The following RASEF variants were observed in gnomAD, a reference collection of about 807,000 sequenced individuals.
RASEF encodes the protein ras and EF-hand domain-containing protein.
Under a neutral mutation model 90.1 loss-of-function variants are expected in RASEF, and 68 were observed. That is an observed-to-expected ratio of 0.75 (90% CI 0.62 to 0.92). RASEF has a LOEUF of 0.92. Among genes scored for constraint, RASEF ranks in the 40% least tolerant of loss-of-function variants. RASEF has a pLI of 0.00. For missense variants in RASEF, 949 were observed against 937.2 expected (o/e 1.01, Z -0.16); for synonymous variants, 331 against 345.2 (o/e 0.96, Z 0.46).
In RASEF at chr9:82,982,611, C is replaced by A. The variant is rs1053867314; in HGVS notation, c.*66G>T. ...GTAGGATGTGCCACTCTGTTAAGAG[C>A]CAAATAAGTCACACAAATTCAGTAT... On this transcript the variant is annotated 3_prime_UTR_variant, in exon 17 of 17. Coordinates refer to ENST00000376447, the MANE Select transcript of RASEF (RefSeq NM_152573.4). The A allele has an allele frequency of 1.1e-6, 1 of 920,538 alleles. No homozygotes were observed. Among genetic ancestry groups the A allele is most frequent in the Non-Finnish European group, 1.8e-6 (1 of 551,018 alleles). The allele number at this position is 920,538 out of a possible 1,614,324, so 57.0% of individuals were successfully genotyped here.
chr9:83,209,714 A>T, the RASEF span, among the ~76,000 whole-genome samples: 1 of 152,226 alleles, frequency 6.6e-6, no homozygotes, highest in Non-Finnish European at 1.5e-5. Context: ...TAATCCTTAT[A>T]CTAAAAGTAT....
intron 1 of RASEF, among the ~76,000 whole-genome samples, chr9:83,062,224 C>T (rs1349435692): frequency 1.3e-5 from 2 of 152,160 alleles, no homozygotes; most frequent in African/African-American, 2.4e-5. Context: ...GGATTCAGCA[C>T]GTAAAACTTT....
chr9:83,156,653 C>G, the RASEF span, among the ~76,000 whole-genome samples: 3 of 152,338 alleles, frequency 2.0e-5, no homozygotes, highest in East Asian at 5.8e-4. Flanking sequence ...ACTTAACTAA[C>G]AGTGGGATAA....
At chr9:83,014,698 A>C (rs1829311888) in intron 4 of RASEF, among the ~76,000 whole-genome samples, 1 of 152,224 alleles carries the variant, frequency 6.6e-6, no homozygotes, top group South Asian at 2.1e-4. Flanking sequence ...AAACAGATCC[A>C]AGAAGTGTGT....
At chr9:83,089,629 A>G in the RASEF span, among the ~76,000 whole-genome samples, 3,155 of 152,218 alleles carry the variant, frequency 0.021, 90 homozygotes, top group African/African-American at 0.072. Flanking sequence ...ATATTTTGAT[A>G]AGAAATCATT....
chr9:83,157,794 T>C, the RASEF span, among the ~76,000 whole-genome samples: 1 of 152,172 alleles, frequency 6.6e-6, no homozygotes, highest in South Asian at 2.1e-4. Flanking sequence ...CATTTACCAA[T>C]CTAAAAAATA....
chr9:83,158,570 GTA>G, the RASEF span, among the ~76,000 whole-genome samples: 5 of 146,464 alleles, frequency 3.4e-5, no homozygotes, highest in South Asian at 8.6e-4. Flanking sequence ...ATACATATAT[GTA>G]TATATGTTTA....
At chr9:83,038,626 A>G (rs1438242611) in intron 1 of RASEF, among the ~76,000 whole-genome samples, 1 of 151,710 alleles carries the variant, frequency 6.6e-6, no homozygotes, top group Admixed American at 6.5e-5. Flanking sequence ...TAATATTCAC[A>G]TAAGTGATAA....
At chr9:83,075,977 G>A in the RASEF span, among the ~76,000 whole-genome samples, 1 of 152,000 alleles carries the variant, frequency 6.6e-6, no homozygotes, top group Admixed American at 6.6e-5. Flanking sequence ...AGACCAGCCT[G>A]GCCACCACAG....
the RASEF span, among the ~76,000 whole-genome samples, chr9:83,158,586 GTA>G: frequency 6.9e-5 from 10 of 144,518 alleles, no homozygotes; most frequent in South Asian, 2.2e-4. Flanking sequence ...ATGTTTATAT[GTA>G]TATATGTCCA....
the RASEF span, among the ~76,000 whole-genome samples, chr9:83,144,370 A>AG: frequency 4.3e-3 from 260 of 60,942 alleles, 6 homozygotes; most frequent in African/African-American, 0.01. Flanking sequence ...AAAGAAAGAA[A>AG]GAAAGAAAGA....
rs576354410 is a variant in RASEF at position 83,049,320 on chromosome 9, G to A, written c.431+13117C>T. 9.1e-6 allele frequency: 9 copies of A among 985,224 alleles called. No individual in the cohort carries two copies. In the East Asian group the frequency reaches 5.7e-4, roughly 62 times the overall value. The allele number at this position is 985,224 out of a possible 1,614,324, so 61.0% of individuals were successfully genotyped here. A position where few individuals can be genotyped will look rare whatever the true frequency, so the allele number is the denominator to read the frequency against. On this transcript the variant is annotated intron_variant, in intron 1 of 16. Coordinates refer to ENST00000376447, the MANE Select transcript of RASEF (RefSeq NM_152573.4). ...ATTAGCAATAGTCAGCTAACCTGAC[G>A]GGGATGCAGTTTTCCAAGCTACATC...
chr9:83,176,515 C>T, the RASEF span, among the ~76,000 whole-genome samples: 1 of 151,738 alleles, frequency 6.6e-6, no homozygotes, highest in Non-Finnish European at 1.5e-5. Context: ...TCTTTTGTTC[C>T]TCTATTACTA....
rs918496774 is a variant in RASEF, at chr9:83,062,502, C to T, written c.366G>A (p.Ala122=). The change falls in exon 1 of 17, where the codon GCG becomes GCA. Residue 122 remains alanine (A), a synonymous_variant. Transcript: ENST00000376447. The part of the protein sequence containing the change: ...AAALATSCGP[A]SPGRAWQDFQ... ...AATCCTGCCAAGCCCGGCCGGGACT[C>T]GCCGGGCCGCACGAGGTGGCCAGCG... is the stretch of plus-strand genomic sequence containing the variant. 2.5e-6 allele frequency: 4 copies of T among 1,611,274 alleles called. No individual in the cohort carries two copies. In the South Asian group the frequency reaches 4.4e-5, roughly 18 times the overall value.
At chr9:83,058,513 C>T (rs1224914887) in intron 1 of RASEF, among the ~76,000 whole-genome samples, 3 of 152,126 alleles carry the variant, frequency 2.0e-5, no homozygotes, top group Non-Finnish European at 4.4e-5. Flanking sequence ...TCTGTCTCTC[C>T]TCTCCCTTTT....
In RASEF at chr9:82,982,724, T is replaced by C. The variant is rs1012565092; in HGVS notation, c.2176A>G (p.Thr726Ala). ...DSRSITNLTGTNSKKSPQMKN... is the reference protein window; with the variant it reads ...DSRSITNLTGANSKKSPQMKN... ...ATCTGTGGTGACTTTTTGGAATTGG[T>C]CCCGGTTAGATTGGTAATGGATCTG... is the stretch of plus-strand genomic sequence containing the variant. Residue 726 changes from threonine to alanine, a missense_variant, in exon 17 of 17, where the codon ACC (threonine) becomes GCC (alanine). This residue lies in a region of RASEF where 288 missense variants were observed against 328.4 expected (regional missense o/e 0.88). Transcript: ENST00000376447. 1.2e-6 allele frequency: 2 copies of C among 1,612,018 alleles called. No homozygotes were observed. Among genetic ancestry groups the C allele is most frequent in the Admixed American group, 1.7e-5 (1 of 60,010 alleles).
At chr9:83,193,491 A>G in the RASEF span, among the ~76,000 whole-genome samples, 1 of 152,200 alleles carries the variant, frequency 6.6e-6, no homozygotes, top group Non-Finnish European at 1.5e-5. Flanking sequence ...AGTTTTAGAG[A>G]GAAAATCCAT....
chr9:83,185,416 G>A, the RASEF span, among the ~76,000 whole-genome samples: 25 of 149,872 alleles, frequency 1.7e-4, no homozygotes, highest in Admixed American at 1.7e-3. Flanking sequence ...CAAACTCCTG[G>A]GCTCAAGTGA....
chr9:83,001,857 TA>T (rs1829046018), intron 9 of RASEF, among the ~76,000 whole-genome samples: 1 of 152,214 alleles, frequency 6.6e-6, no homozygotes, highest in Admixed American at 6.5e-5. Flanking sequence ...TTTCTGCCAC[TA>T]AATGTTGACA....
Sources: gnomAD v4.1 joint callset for allele counts (sites outside exome capture counted in the v4.1 genomes callset) on GRCh38, gnomAD v4.1.1 for gene constraint, gnomAD v4.1.1 regional missense constraint, MANE v1.5 for transcripts, NCBI Gene and HGNC (gene_info 2026-07-23, HGNC 2026-07-21) for gene names.